The following SLC25A48 variants were observed in gnomAD, a reference collection of about 807,000 sequenced individuals.
SLC25A48 encodes solute carrier family 25 member 48, also known as CTC-321K16.1.
Under a neutral mutation model 32.2 loss-of-function variants are expected in SLC25A48, and 29 were observed. The observed-to-expected ratio is 0.90, with a 90% CI of 0.67 to 1.23. The LOEUF is 1.23. Among genes scored for constraint, SLC25A48 ranks in the 50% most tolerant of loss-of-function variants. The pLI, the probability that SLC25A48 is intolerant of heterozygous loss-of-function variation, is 0.00. For synonymous variants in SLC25A48, 164 were observed against 172.3 expected, an observed-to-expected ratio of 0.95 and a Z score of 0.38; for missense variants, 399 against 422.7, an observed-to-expected ratio of 0.94 and a Z score of 0.49.
intron 3 of SLC25A48, among the ~76,000 whole-genome samples, chr5:135,735,053 G>A (rs1473874765): frequency 6.6e-6 from 1 of 152,176 alleles, no homozygotes; most frequent in African/African-American, 2.4e-5. Flanking sequence ...TTCCAGTGGG[G>A]TCCCGCACAG....
chr5:135,682,346 T>C (rs1253518812), intron 3 of SLC25A48, among the ~76,000 whole-genome samples: 2 of 152,178 alleles, frequency 1.3e-5, no homozygotes, highest in Non-Finnish European at 2.9e-5. Flanking sequence ...CTAATTCCTC[T>C]TACTCATCAT....
At chr5:135,874,438 T>C (rs925385870) in intron 6 of SLC25A48, among the ~76,000 whole-genome samples, 1 of 152,204 alleles carries the variant, frequency 6.6e-6, no homozygotes, top group African/African-American at 2.4e-5. Context: ...GCCTGGTCCA[T>C]TTCTGTCTGT....
At chr5:135,723,872 G>C (rs1755028506) in intron 3 of SLC25A48, among the ~76,000 whole-genome samples, 1 of 152,164 alleles carries the variant, frequency 6.6e-6, no homozygotes, top group Non-Finnish European at 1.5e-5. Flanking sequence ...CATTAGCTGA[G>C]AAACAAACAT....
intron 1 of SLC25A48, among the ~76,000 whole-genome samples, chr5:135,840,061 C>T (rs1758862312): frequency 6.6e-6 from 1 of 152,164 alleles, no homozygotes; most frequent in Admixed American, 6.5e-5. Context: ...ATCTAAGTGG[C>T]CTTAGGGCAG....
intron 3 of SLC25A48, among the ~76,000 whole-genome samples, chr5:135,702,303 C>G (rs552788880): frequency 6.6e-6 from 1 of 152,324 alleles, no homozygotes; most frequent in South Asian, 2.1e-4. Flanking sequence ...AGGGTAGGCC[C>G]TATATCCAAT....
chr5:135,881,672 G>A (rs1762480420), intron 7 of SLC25A48, among the ~76,000 whole-genome samples: 2 of 152,186 alleles, frequency 1.3e-5, no homozygotes, highest in Non-Finnish European at 2.9e-5. Context: ...ACAGAGAAAA[G>A]TAATTTCTTA....
At chr5:135,601,151 G>A (rs140479529) in intron 1 of SLC25A48, 88 of 152,380 alleles carry the variant, frequency 5.8e-4, no homozygotes, top group African/African-American at 2.0e-3. Flanking sequence ...GACTAGGGAA[G>A]TTCCGACTGC....
At chr5:135,660,656 A>T (rs1235725035) in intron 3 of SLC25A48, among the ~76,000 whole-genome samples, 1 of 152,186 alleles carries the variant, frequency 6.6e-6, no homozygotes, top group Non-Finnish European at 1.5e-5. Flanking sequence ...GGAAGTGCGG[A>T]TGATAATAAA....
intron 4 of SLC25A48, among the ~76,000 whole-genome samples, chr5:135,856,845 C>T (rs73791607): frequency 0.03 from 4,548 of 152,322 alleles, 104 homozygotes; most frequent in African/African-American, 0.065. Context: ...GGCATCCAGG[C>T]CCCTGTGCTG....
intron 1 of SLC25A48, among the ~76,000 whole-genome samples, chr5:135,612,791 G>C (rs1752102804): frequency 6.6e-6 from 1 of 152,070 alleles, no homozygotes; most frequent in Admixed American, 6.6e-5. Context: ...ATGTGGTTTA[G>C]TATACCACGT....
chr5:135,851,219 C>T (rs145933719), intron 3 of SLC25A48, among the ~76,000 whole-genome samples: 3,082 of 152,272 alleles, frequency 0.02, 43 homozygotes, highest in Middle Eastern at 0.037. Flanking sequence ...TCCTGGGGCT[C>T]GGAAGCCTCC....
At chr5:135,637,359 C>T (rs1449125430) in intron 3 of SLC25A48, among the ~76,000 whole-genome samples, 1 of 152,102 alleles carries the variant, frequency 6.6e-6, no homozygotes, top group Non-Finnish European at 1.5e-5. Flanking sequence ...TCCTCTTCTT[C>T]CCCCCGACCC....
intron 1 of SLC25A48, among the ~76,000 whole-genome samples, chr5:135,581,355 A>G (rs1751229965): frequency 1.3e-5 from 2 of 152,226 alleles, no homozygotes; most frequent in Admixed American, 1.3e-4. Context: ...AGGTTTTAAT[A>G]CATTGGATCA....
intron 1 of SLC25A48, among the ~76,000 whole-genome samples, chr5:135,835,338 C>T (rs1166687070): frequency 2.7e-5 from 4 of 150,028 alleles, no homozygotes; most frequent in African/African-American, 9.7e-5. Context: ...ATTAGGCCGG[C>T]CCAACGGGGC....
chr5:135,843,321 G>T (rs542163359), intron 2 of SLC25A48, among the ~76,000 whole-genome samples: 2 of 152,136 alleles, frequency 1.3e-5, no homozygotes, highest in Non-Finnish European at 2.9e-5. Context: ...ATATAGGAGG[G>T]GGGTAAGGTG....
intron 1 of SLC25A48, among the ~76,000 whole-genome samples, chr5:135,581,848 T>G (rs1229436560): frequency 6.6e-6 from 1 of 152,198 alleles, no homozygotes; most frequent in Non-Finnish European, 1.5e-5. Context: ...CCAGCAGGTC[T>G]GTGGGGGATG....
In SLC25A48 at chr5:135,816,770, T is replaced by C. The variant is rs115765876; in HGVS notation, c.-117+3844T>C. ...ATAAGAAACCACTATTTAAAGATGA[T>C]GGAAAACAGAAAACACAGGACAATG... On this transcript the variant is annotated intron_variant, in intron 4 of 10. Coordinates refer to the SLC25A48 transcript ENST00000646290. Among the ~76,000 whole-genome samples, 767 of 152,218 alleles carry C rather than the reference T, an allele frequency of 5.0e-3. 2 individuals carry two copies. Among genetic ancestry groups the C allele is most frequent in the Middle Eastern group, 0.021 (6 of 292 alleles).
intron 3 of SLC25A48, among the ~76,000 whole-genome samples, chr5:135,788,277 G>A (rs1254916094): frequency 6.6e-6 from 1 of 151,566 alleles, no homozygotes; most frequent in Non-Finnish European, 1.5e-5. Flanking sequence ...TATGGGGTGG[G>A]GGATGTACAG....
At chr5:135,817,021 G>A (rs1022978818) in intron 4 of SLC25A48, among the ~76,000 whole-genome samples, 1 of 152,108 alleles carries the variant, frequency 6.6e-6, no homozygotes, top group Admixed American at 6.5e-5. Context: ...TGTTTATATT[G>A]TAAAAATATA....
Sources: allele counts gnomAD v4.1 joint callset (sites outside exome capture counted in the v4.1 genomes callset), GRCh38; gene constraint gnomAD v4.1.1; transcripts MANE v1.5; gene names NCBI Gene and HGNC (gene_info 2026-07-23, HGNC 2026-07-21).